Variants in ARHGAP39 observed in about 807,000 individuals in gnomAD.
ARHGAP39 encodes the protein Rho GTPase activating protein 39, also known as rho GTPase-activating protein 39.
In ARHGAP39, 44 loss-of-function variants were observed where a neutral mutation model predicts 106.9. That is an observed-to-expected ratio of 0.41 (90% CI 0.32 to 0.53). The LOEUF (loss-of-function observed/expected upper bound fraction) is 0.53, where lower values mean the gene tolerates loss of function less well. Ranked by LOEUF, ARHGAP39 falls within the 20% of genes least tolerant of loss-of-function variation. The pLI is 0.21. For synonymous variants in ARHGAP39, 768 were observed against 693.2 expected (o/e 1.11, Z -1.69); for missense variants, 1,496 against 1,577.3 (o/e 0.95, Z 0.87).
chr8:144,672,086 C>T (rs1822115625), intron 1 of ARHGAP39, among the ~76,000 whole-genome samples: 1 of 152,232 alleles, frequency 6.6e-6, no homozygotes, highest in African/African-American at 2.4e-5. Flanking sequence ...GCACTACCCC[C>T]TCCCACATGT....
chr8:144,597,715 G>A (rs1289952336), intron 2 of ARHGAP39, among the ~76,000 whole-genome samples: 2 of 152,178 alleles, frequency 1.3e-5, no homozygotes, highest in African/African-American at 4.8e-5. Context: ...AATACGTGAA[G>A]AATTTCAGGA....
In ARHGAP39 at chr8:144,685,759, G is replaced by A. The variant is rs943309628; in HGVS notation, c.-155C>T. The stretch of plus-strand genomic sequence containing the variant: ...GCGCGACGCGCGTGAGCCAGCCGCC[G>A]CTCCCCGGCCTCTCTGCTGCTCCGC... On this transcript the variant is annotated 5_prime_UTR_variant, in exon 1 of 12. Coordinates refer to ENST00000377307, the MANE Select transcript of ARHGAP39 (RefSeq NM_025251.3). Among the ~76,000 whole-genome samples the A allele has an allele frequency of 6.8e-6, 1 of 147,680 alleles. No individual in the cohort carries two copies. The highest frequency in any genetic ancestry group is 1.5e-5 in the Non-Finnish European group (1 of 66,284).
intron 2 of ARHGAP39, among the ~76,000 whole-genome samples, chr8:144,592,537 T>C (rs1819445288): frequency 7.5e-6 from 1 of 133,364 alleles, no homozygotes; most frequent in South Asian, 2.5e-4. Context: ...GGGACAGCAC[T>C]GAGCCCAGAC....
intron 7 of ARHGAP39, among the ~76,000 whole-genome samples, chr8:144,535,613 G>A (rs1464250247): frequency 6.6e-6 from 1 of 152,246 alleles, no homozygotes; most frequent in African/African-American, 2.4e-5. Context: ...ACTAGGCTGG[G>A]GGGCCTGGGG....
In ARHGAP39 at chr8:144,548,406, G is replaced by A. The variant is rs1363007401; in HGVS notation, c.680C>T (p.Ala227Val). Residue 227 changes from alanine (A) to valine (V), a missense_variant, in exon 5 of 12, where the codon GCC (alanine) becomes GTC (valine). By Grantham distance (64) the Ala-to-Val change is moderately conservative (BLOSUM62 0). Transcript: ENST00000377307. The surrounding 1 kb of genome is among the most constrained non-coding windows in gnomAD (Gnocchi z 7.4). ...VADREPSFLA[A>V]QGNGYAPDGP... ...GTCTGGGGCGTAGCCATTGCCCTGG[G>A]CGGCGAGGAAGCTGGGCTCCCGATC... 15 of 1,610,614 alleles carry A rather than the reference G, an allele frequency of 9.3e-6. No individual in the cohort carries two copies. The highest frequency in any genetic ancestry group is 1.1e-5 in the Non-Finnish European group (13 of 1,179,538).
intron 2 of ARHGAP39, among the ~76,000 whole-genome samples, chr8:144,581,775 C>A (rs539968191): frequency 6.6e-6 from 1 of 152,224 alleles, no homozygotes; most frequent in Non-Finnish European, 1.5e-5. Flanking sequence ...CCCAGATCAG[C>A]AAGGCCAAGG....
intron 1 of ARHGAP39, among the ~76,000 whole-genome samples, chr8:144,633,703 AATAG>A (rs889199032): frequency 1.6e-4 from 24 of 152,178 alleles, no homozygotes; most frequent in Non-Finnish European, 2.5e-4. Context: ...ACTGAATTTT[AATAG>A]ATAGAGTCTT....
Position 144,565,549 on chromosome 8 carries a change from C to T in ARHGAP39, c.513-9906G>A, listed in dbSNP as rs144426108. Among the ~76,000 whole-genome samples, 13 of 151,912 alleles carry T rather than the reference C, an allele frequency of 8.6e-5. 1 individual carries two copies. Among genetic ancestry groups the T allele is most frequent in the Non-Finnish European group, 1.2e-4 (8 of 67,950 alleles). Reference sequence around the variant, plus strand: ...ACTAAAAATACAAAAATTAGCCAGGCGCGGTGGCAGGTGTCTGTAGTCCCA... The same window carrying T: ...ACTAAAAATACAAAAATTAGCCAGGTGCGGTGGCAGGTGTCTGTAGTCCCA... On this transcript the variant is annotated intron_variant, in intron 3 of 11. Coordinates refer to ENST00000377307, the MANE Select transcript of ARHGAP39 (RefSeq NM_025251.3).
intron 7 of ARHGAP39, among the ~76,000 whole-genome samples, chr8:144,536,066 AG>A (rs1816940862): frequency 6.6e-6 from 1 of 152,164 alleles, no homozygotes; most frequent in South Asian, 2.1e-4. Context: ...GCTGACCTGC[AG>A]TGGGATAGTG....
chr8:144,657,021 T>G (rs1019408515), intron 1 of ARHGAP39, among the ~76,000 whole-genome samples: 18 of 151,996 alleles, frequency 1.2e-4, no homozygotes, highest in Non-Finnish European at 1.5e-5. Flanking sequence ...GGTTAAGACC[T>G]TCCCACAAAG....
At chr8:144,685,952 T>A (rs1201240915), upstream of ARHGAP39, among the ~76,000 whole-genome samples, 4 of 150,896 alleles carry the variant, frequency 2.7e-5, no homozygotes, top group South Asian at 2.1e-4. Context: ...CGAGGCCGCA[T>A]CACGCATGCG....
Position 144,605,658 on chromosome 8 carries a change from A to C in ARHGAP39, c.-44T>G. On this transcript the variant is annotated 5_prime_UTR_variant, in exon 2 of 12. It removes an upstream start codon present in the reference 5' UTR. Transcript: ENST00000377307. ...CCACGTGGACAGACGTCAGGGCACC[A>C]TACGCACAACGCCAGCATCAGACGG... The C allele has an allele frequency of 6.3e-7, 1 of 1,594,576 alleles. No individual in the cohort carries two copies. The highest frequency in any genetic ancestry group is 8.6e-7 in the Non-Finnish European group (1 of 1,166,524).
intron 1 of ARHGAP39, among the ~76,000 whole-genome samples, chr8:144,621,826 T>C (rs1204653603): frequency 1.3e-5 from 2 of 151,850 alleles, no homozygotes; most frequent in Non-Finnish European, 2.9e-5. Flanking sequence ...GTCTCAGAAA[T>C]AAAATAAAAC....
At chr8:144,534,083 T>C in intron 8 of ARHGAP39, 46 bp downstream of exon 8, 2 of 1,602,486 alleles carry the variant, frequency 1.2e-6, no homozygotes, top group South Asian at 2.2e-5. Flanking sequence ...ACCAAGGGTC[T>C]CTGTGTCCCC....
intron 3 of ARHGAP39, among the ~76,000 whole-genome samples, chr8:144,574,786 T>C (rs959063417): frequency 1.3e-5 from 2 of 152,188 alleles, no homozygotes; most frequent in South Asian, 2.1e-4. Flanking sequence ...AGCCTGGGAG[T>C]TGAAGGCTGC....
rs539735204 is a variant in ARHGAP39 at position 144,644,981 on chromosome 8, G to T, written c.-81-39286C>A. 1.3e-5 allele frequency among the ~76,000 whole-genome samples: 2 copies of T among 152,220 alleles called. No individual in the cohort carries two copies. Among genetic ancestry groups the T allele is most frequent in the Admixed American group, 1.3e-4 (2 of 15,280 alleles). On this transcript the variant is annotated intron_variant, in intron 1 of 11. Coordinates refer to ENST00000377307, the MANE Select transcript of ARHGAP39 (RefSeq NM_025251.3). This position sits in a 1 kb window ranked among gnomAD's most constrained non-coding sequence, Gnocchi z 4.8. Reference sequence around the variant, plus strand: ...CCATTCAGGACAGAAGTCAGTCCTCGCAGGCTTGTCCCTGGGTGGCAGGTG... The same window carrying T: ...CCATTCAGGACAGAAGTCAGTCCTCTCAGGCTTGTCCCTGGGTGGCAGGTG...
At chr8:144,549,539 C>T (rs536737507) in intron 4 of ARHGAP39, among the ~76,000 whole-genome samples, 10 of 152,310 alleles carry the variant, frequency 6.6e-5, no homozygotes, top group Admixed American at 6.5e-4. Context: ...TGTCGCCAGG[C>T]TGGAGTATAG....
At chr8:144,584,448 G>T (rs1401085379) in intron 2 of ARHGAP39, among the ~76,000 whole-genome samples, 1 of 150,234 alleles carries the variant, frequency 6.7e-6, no homozygotes, top group African/African-American at 2.5e-5. Context: ...CTCAGTGATG[G>T]ACAATGGGAG....
intron 2 of ARHGAP39, among the ~76,000 whole-genome samples, chr8:144,601,761 C>CTG (rs530715581): frequency 1.7e-5 from 2 of 120,890 alleles, no homozygotes; most frequent in Non-Finnish European, 3.4e-5. Context: ...GCTCGTGAAC[C>CTG]TGTGTGTGTG....
Sources: allele counts gnomAD v4.1 joint callset (sites outside exome capture counted in the v4.1 genomes callset), GRCh38; gene constraint gnomAD v4.1.1; non-coding constraint Gnocchi (gnomAD v3.1); transcripts MANE v1.5; gene names NCBI Gene and HGNC (gene_info 2026-07-23, HGNC 2026-07-21).